Variants in TIAL1 observed in about 807,000 individuals in gnomAD.
TIAL1 encodes TIA1 cytotoxic granule associated RNA binding protein like 1, also known as nucleolysin TIAR.
In TIAL1, 7 loss-of-function variants were observed where a neutral mutation model predicts 59.7. The observed-to-expected ratio is 0.12, with a 90% CI of 0.07 to 0.22. TIAL1 has a LOEUF of 0.22. Among genes scored for constraint, TIAL1 ranks in the 10% least tolerant of loss-of-function variants. The pLI, the probability that TIAL1 is intolerant of heterozygous loss-of-function variation, is 1.00. For missense variants in TIAL1, 225 were observed against 462.5 expected (o/e 0.49, Z 4.71); for synonymous variants, 149 against 146.3 (o/e 1.02, Z -0.13).
At chr10:119,590,137 T>C (rs1360093422) in intron 1 of TIAL1, among the ~76,000 whole-genome samples, 2 of 152,242 alleles carry the variant, frequency 1.3e-5, no homozygotes, top group Non-Finnish European at 2.9e-5. Flanking sequence ...ATAATCTTAG[T>C]GTACCTGCTC....
intron 10 of TIAL1, 34 bp from the exon 11 acceptor site, chr10:119,576,784 C>T (rs775599323): frequency 1.9e-6 from 3 of 1,607,840 alleles, no homozygotes; most frequent in African/African-American, 1.3e-5. Context: ...TTAGGGAACA[C>T]ATAAGAAACA....
chr10:119,596,401 T>A (rs1432873322), intron 1 of TIAL1, 33 bp downstream of exon 1: 1 of 1,609,732 alleles, frequency 6.2e-7, no homozygotes, highest in Non-Finnish European at 8.5e-7. Flanking sequence ...CCGGGCCTCT[T>A]GGCGCCTGGC....
intron 9 of TIAL1, 110 bp from the exon 10 acceptor site, chr10:119,577,313 A>T: frequency 6.9e-7 from 1 of 1,456,652 alleles, no homozygotes; most frequent in East Asian, 2.4e-5. Flanking sequence ...TTTTTTTCTA[A>T]AGTACATTAG....
intron 1 of TIAL1, among the ~76,000 whole-genome samples, chr10:119,595,130 C>CA (rs1447238389): frequency 3.3e-5 from 5 of 152,136 alleles, no homozygotes; most frequent in South Asian, 2.1e-4. Context: ...AAGGCCACAC[C>CA]AAAAAAATCT....
At chr10:119,577,009 CAG>C (rs1313262230) in intron 10 of TIAL1, 69 bp downstream of exon 10, 11 of 1,560,490 alleles carry the variant, frequency 7.0e-6, no homozygotes, top group African/African-American at 2.8e-5. Flanking sequence ...GTTCATTTTA[CAG>C]AGTTTCCAAA....
intron 11 of TIAL1, 146 bp from the exon 12 acceptor site, chr10:119,575,937 AATGAT>A: frequency 1.3e-6 from 1 of 788,526 alleles, no homozygotes; most frequent in Non-Finnish European, 1.9e-6. Flanking sequence ...CAAAGAAATA[AATGAT>A]ATATGTGTAG....
chr10:119,596,399 C>T, intron 1 of TIAL1, 35 bp downstream of exon 1: 1 of 1,610,750 alleles, frequency 6.2e-7, no homozygotes, highest in South Asian at 1.1e-5. Context: ...GCCCGGGCCT[C>T]TTGGCGCCTG....
intron 2 of TIAL1, among the ~76,000 whole-genome samples, chr10:119,584,651 A>AC (rs889197792): frequency 6.6e-5 from 10 of 152,072 alleles, no homozygotes; most frequent in Middle Eastern, 3.4e-3. Flanking sequence ...ACATGGTGAG[A>AC]CCCCCATCTC....
At chr10:119,580,077 CCACACA>C in intron 5 of TIAL1, 67 bp from the exon 6 acceptor site, 1 of 1,273,032 alleles carries the variant, frequency 7.9e-7, no homozygotes, top group Non-Finnish European at 1.1e-6. Context: ...CTAAAAGGAA[CCACACA>C]CACTGTATTG....
At chr10:119,596,357 C>T (rs1476938579) in intron 1 of TIAL1, 77 bp downstream of exon 1, 1 of 1,559,170 alleles carries the variant, frequency 6.4e-7, no homozygotes, top group Non-Finnish European at 8.8e-7. Flanking sequence ...TCGGCCCAGT[C>T]TCTCCTGCTC....
At chr10:119,596,313 C>T in intron 1 of TIAL1, 121 bp downstream of exon 1, 1 of 1,078,062 alleles carries the variant, frequency 9.3e-7, no homozygotes, top group Non-Finnish European at 1.4e-6. Flanking sequence ...GCGTCCACGC[C>T]GCCCTGGTCA....
In TIAL1 at chr10:119,577,648, C is replaced by A. The variant is rs1845068215; in HGVS notation, c.645G>T (p.Gly215=). The change falls in exon 8 of 12, where the codon GGG becomes GGT. Residue 215 remains glycine, a synonymous_variant. Transcript: ENST00000436547. ...GAAAACCAAACATTGTACCTGTTAA[C>A]CCAGACGCAATTCCTCCACAGTACA... ...CTVYCGGIAS[G]LTDQLMRQTF... 1 of 1,614,014 alleles carries A rather than the reference C, an allele frequency of 6.2e-7. No homozygotes were observed. The highest frequency in any genetic ancestry group is 1.1e-5 in the South Asian group (1 of 91,080).
intron 1 of TIAL1, among the ~76,000 whole-genome samples, chr10:119,589,965 C>T (rs1457427551): frequency 6.6e-6 from 1 of 152,060 alleles, no homozygotes; most frequent in Admixed American, 6.6e-5. Flanking sequence ...CAAAATAAGA[C>T]TTGCAACATA....
At chr10:119,588,025 AAAGT>A (rs1346792000) in intron 2 of TIAL1, 123 bp downstream of exon 2, 24 of 519,788 alleles carry the variant, frequency 4.6e-5, no homozygotes, top group African/African-American at 4.3e-4. Flanking sequence ...CAGCCAAATC[AAAGT>A]AATAAGTCAA....
intron 2 of TIAL1, among the ~76,000 whole-genome samples, chr10:119,584,480 A>G (rs1292580973): frequency 6.6e-6 from 1 of 152,170 alleles, no homozygotes; most frequent in Non-Finnish European, 1.5e-5. Flanking sequence ...ATACTCTGCT[A>G]GAGTTTATAC....
At chr10:119,584,781 A>G (rs1845468800) in intron 2 of TIAL1, among the ~76,000 whole-genome samples, 1 of 151,870 alleles carries the variant, frequency 6.6e-6, no homozygotes, top group Non-Finnish European at 1.5e-5. Context: ...GTGAGCCAAG[A>G]TCGTGCCACT....
At chr10:119,577,397 G>A (rs1845055543) in intron 9 of TIAL1, 54 bp downstream of exon 9, 1 of 1,535,520 alleles carries the variant, frequency 6.5e-7, no homozygotes, top group East Asian at 2.3e-5. Flanking sequence ...GAACATAAGT[G>A]AAAGGAATGA....
At chr10:119,578,098 G>A (rs192064127) in intron 7 of TIAL1, among the ~76,000 whole-genome samples, 53 of 152,004 alleles carry the variant, frequency 3.5e-4, no homozygotes, top group African/African-American at 1.0e-3. Context: ...GGTGGCACAC[G>A]CCTGTAATTC....
intron 1 of TIAL1, among the ~76,000 whole-genome samples, chr10:119,593,096 T>C (rs990930559): frequency 6.6e-6 from 1 of 152,194 alleles, no homozygotes; most frequent in East Asian, 1.9e-4. Context: ...AAAACACTAT[T>C]ACAATTTAGT....
Sources: gnomAD v4.1 joint callset for allele counts (sites outside exome capture counted in the v4.1 genomes callset) on GRCh38, gnomAD v4.1.1 for gene constraint, MANE v1.5 for transcripts, NCBI Gene and HGNC (gene_info 2026-07-23, HGNC 2026-07-21) for gene names.